Variants in GRM8 observed in about 807,000 individuals in gnomAD.
The protein encoded by GRM8 is metabotropic glutamate receptor 8.
Under a neutral mutation model 87.2 loss-of-function variants are expected in GRM8, and 47 were observed. The ratio of observed to expected loss-of-function variants is 0.54; its 90% CI spans 0.43 to 0.69. The LOEUF is 0.69. Ranked by LOEUF, GRM8 falls within the 30% of genes least tolerant of loss-of-function variation. The pLI is 0.00. For missense variants in GRM8, 1,019 were observed against 1,139.2 expected, an observed-to-expected ratio of 0.89 and a Z score of 1.52; for synonymous variants, 396 against 404.5, an observed-to-expected ratio of 0.98 and a Z score of 0.25.
At chr7:126,852,335 C>A (rs558430574) in intron 6 of GRM8, among the ~76,000 whole-genome samples, 1 of 152,232 alleles carries the variant, frequency 6.6e-6, no homozygotes, top group South Asian at 2.1e-4. Flanking sequence ...TCTTAGATAT[C>A]ATTAGACAAA....
At chr7:126,567,308 C>A (rs1051325917) in intron 8 of GRM8, among the ~76,000 whole-genome samples, 2 of 143,496 alleles carry the variant, frequency 1.4e-5, no homozygotes, top group Non-Finnish European at 3.0e-5. Context: ...ATCACAAGGA[C>A]AAAAAAACCA....
At chr7:126,559,968 G>C (rs1342848247) in intron 8 of GRM8, among the ~76,000 whole-genome samples, 1 of 152,162 alleles carries the variant, frequency 6.6e-6, no homozygotes, top group East Asian at 1.9e-4. Context: ...ATCATTTTAT[G>C]ATCTGAGAAA....
At chr7:126,881,376 A>G (rs1214088797) in intron 6 of GRM8, among the ~76,000 whole-genome samples, 1 of 152,200 alleles carries the variant, frequency 6.6e-6, no homozygotes, top group African/African-American at 2.4e-5. Context: ...CTGAAAGGAC[A>G]TGATCACGGC....
chr7:127,055,127 G>C (rs1819859093), intron 3 of GRM8, among the ~76,000 whole-genome samples: 1 of 152,142 alleles, frequency 6.6e-6, no homozygotes, highest in South Asian at 2.1e-4. Flanking sequence ...CCATGCTGCA[G>C]ATGGATTTTG....
intron 6 of GRM8, among the ~76,000 whole-genome samples, chr7:126,874,142 A>T (rs1463085636): frequency 6.6e-6 from 1 of 152,010 alleles, no homozygotes; most frequent in East Asian, 1.9e-4. Context: ...TAACTGCCTG[A>T]TGGAATTCTT....
rs1409877495 is a variant in GRM8 at position 126,783,575 on chromosome 7, GT to G, written c.1157-13511del. 3.3e-5 allele frequency among the ~76,000 whole-genome samples: 5 copies of G among 152,246 alleles called. No individual in the cohort carries two copies. In the East Asian group the frequency reaches 9.7e-4, roughly 29 times the overall value. Reference sequence around the variant, plus strand: ...GCCTATTAGTGATAATAAAATCAATGTGGTTGGTCACAAACAGTGTATTTCC... The same window carrying G: ...GCCTATTAGTGATAATAAAATCAATGGGTTGGTCACAAACAGTGTATTTCC... On this transcript the variant is annotated intron_variant, in intron 6 of 10. Coordinates refer to ENST00000339582, the MANE Select transcript of GRM8 (RefSeq NM_000845.3).
chr7:126,699,650 T>C (rs931845610), intron 7 of GRM8, among the ~76,000 whole-genome samples: 10 of 152,170 alleles, frequency 6.6e-5, no homozygotes, highest in Admixed American at 4.6e-4. Flanking sequence ...TCTCCACCCC[T>C]GGAGCAATGG....
At chr7:127,130,470 G>A (rs979745785) in intron 2 of GRM8, among the ~76,000 whole-genome samples, 1 of 152,152 alleles carries the variant, frequency 6.6e-6, no homozygotes, top group African/African-American at 2.4e-5. Context: ...GTCTCAGATG[G>A]AAATAAGGAA....
chr7:127,231,133 C>T (rs1331485614), intron 2 of GRM8, among the ~76,000 whole-genome samples: 2 of 152,106 alleles, frequency 1.3e-5, no homozygotes, highest in Admixed American at 6.5e-5. Context: ...GCTGCATAGA[C>T]CTGTTGGTGG....
chr7:126,629,340 T>G (rs1024006218), intron 7 of GRM8, among the ~76,000 whole-genome samples: 6 of 152,218 alleles, frequency 3.9e-5, no homozygotes, highest in Non-Finnish European at 8.8e-5. Flanking sequence ...AATTCATTTT[T>G]TTTCACTTTG....
At chr7:126,930,815 A>G (rs1320352645) in intron 3 of GRM8, among the ~76,000 whole-genome samples, 1 of 152,122 alleles carries the variant, frequency 6.6e-6, no homozygotes, top group Admixed American at 6.5e-5. Flanking sequence ...CTTGCAACTG[A>G]GGTGTATTTT....
chr7:127,104,459 G>T (rs568342395), intron 3 of GRM8, among the ~76,000 whole-genome samples: 2 of 152,176 alleles, frequency 1.3e-5, no homozygotes, highest in Admixed American at 1.3e-4. Flanking sequence ...AGCTATTTTT[G>T]TTCTAGATAA....
At chr7:126,680,633 C>T (rs1807439629) in intron 7 of GRM8, among the ~76,000 whole-genome samples, 1 of 152,170 alleles carries the variant, frequency 6.6e-6, no homozygotes, top group Non-Finnish European at 1.5e-5. Context: ...ATTAATAACT[C>T]CTGTAAGTAA....
intron 3 of GRM8, among the ~76,000 whole-genome samples, chr7:127,010,608 A>G (rs1162215378): frequency 6.6e-6 from 1 of 152,174 alleles, no homozygotes; most frequent in African/African-American, 2.4e-5. Context: ...TGATGTATTT[A>G]TTAAAGTGGG....
intron 3 of GRM8, among the ~76,000 whole-genome samples, chr7:127,022,513 T>TG (rs200543934): frequency 0.016 from 2,485 of 151,718 alleles, 38 homozygotes; most frequent in Middle Eastern, 0.041. Context: ...TGGAGAGGCA[T>TG]GGGGGTGGAG....
chr7:126,448,328 G>T (rs1021948722), intron 9 of GRM8, among the ~76,000 whole-genome samples: 5 of 151,870 alleles, frequency 3.3e-5, no homozygotes, highest in African/African-American at 4.8e-5. Flanking sequence ...TTTTTTAAAT[G>T]TGCCTTAATC....
intron 9 of GRM8, among the ~76,000 whole-genome samples, chr7:126,456,531 A>AAAAAAAAAAAAAAAAAAAAAAAT (rs1224932339): frequency 6.8e-6 from 1 of 147,128 alleles, no homozygotes; most frequent in African/African-American, 2.5e-5. Context: ...AAAAAAAAAA[A>AAAAAAAAAAAAAAAAAAAAAAAT]AAAAAAAAAA....
intron 2 of GRM8, among the ~76,000 whole-genome samples, chr7:127,134,406 A>T (rs1312400311): frequency 2.6e-5 from 4 of 152,224 alleles, no homozygotes; most frequent in Non-Finnish European, 5.9e-5. Context: ...CCTCCATGAA[A>T]TATCACCTTG....
intron 9 of GRM8, among the ~76,000 whole-genome samples, chr7:126,516,412 A>G (rs1233554772): frequency 6.6e-6 from 1 of 152,148 alleles, no homozygotes; most frequent in East Asian, 1.9e-4. Flanking sequence ...CTTATGGAGA[A>G]CTGAGACCCA....
Sources: gnomAD v4.1 joint callset for allele counts (sites outside exome capture counted in the v4.1 genomes callset) on GRCh38, gnomAD v4.1.1 for gene constraint, MANE v1.5 for transcripts, NCBI Gene and HGNC (gene_info 2026-07-23, HGNC 2026-07-21) for gene names.